The following RELN variants were observed in gnomAD, a reference collection of about 807,000 sequenced individuals.
RELN encodes reelin.
A neutral mutation model predicts 427.6 loss-of-function variants in RELN; 108 were observed. The ratio of observed to expected loss-of-function variants is 0.25; its 90% CI spans 0.22 to 0.30. RELN has a LOEUF of 0.30. Ranked by LOEUF, RELN falls within the 10% of genes least tolerant of loss-of-function variation. The pLI is 1.00. For synonymous variants in RELN, 1,524 were observed against 1,513.4 expected (o/e 1.01, Z -0.16); for missense variants, 3,715 against 4,302.8 (o/e 0.86, Z 3.82).
intron 6 of RELN, among the ~76,000 whole-genome samples, chr7:103,737,030 T>A (rs1420750878): frequency 6.6e-6 from 1 of 151,960 alleles, no homozygotes; most frequent in Non-Finnish European, 1.5e-5. Flanking sequence ...GGTGAAGAAA[T>A]CAAGAGGGAG....
At chr7:103,886,252 A>G (rs1001937179) in intron 2 of RELN, among the ~76,000 whole-genome samples, 1 of 152,210 alleles carries the variant, frequency 6.6e-6, no homozygotes, top group African/African-American at 2.4e-5. Flanking sequence ...CATGAGTTTA[A>G]CCTTTGTTAA....
At chr7:103,869,453 C>G (rs1338445767) in intron 2 of RELN, among the ~76,000 whole-genome samples, 5 of 151,912 alleles carry the variant, frequency 3.3e-5, no homozygotes, top group Non-Finnish European at 5.9e-5. Context: ...AATCTAATGA[C>G]AAAGGATTAT....
In RELN at chr7:103,510,880, G is replaced by A. The variant is rs1829385150; in HGVS notation, c.8245C>T (p.Pro2749Ser). ...EVYAVTHDLT[P>S]TEGWIMQFKI... ...AATTGCATAATCCAGCCTTCAGTGG[G>A]AGTCAGGTCATGGGTCACTGCATAC... The change falls in exon 51 of 65, where the codon CCC becomes TCC. Residue 2749 changes from proline to serine, a missense_variant. Transcript: ENST00000428762. 5.0e-6 allele frequency: 8 copies of A among 1,613,566 alleles called. No homozygotes were observed. Among genetic ancestry groups the A allele is most frequent in the Non-Finnish European group, 5.9e-6 (7 of 1,179,708 alleles).
chr7:103,536,542 C>T (rs148880186), intron 45 of RELN, among the ~76,000 whole-genome samples: 54 of 152,306 alleles, frequency 3.5e-4, no homozygotes, highest in African/African-American at 1.3e-3. Context: ...GTGATTCTCC[C>T]GTGCAGCCAG....
intron 22 of RELN, among the ~76,000 whole-genome samples, chr7:103,608,133 C>T (rs1831862234): frequency 6.6e-6 from 1 of 152,160 alleles, no homozygotes; most frequent in South Asian, 2.1e-4. Flanking sequence ...AAGATTACTG[C>T]TACAAACTGC....
At chr7:103,570,578 C>T (rs1830858722) in intron 31 of RELN, among the ~76,000 whole-genome samples, 1 of 152,192 alleles carries the variant, frequency 6.6e-6, no homozygotes, top group Non-Finnish European at 1.5e-5. Context: ...TGTAAGTTCC[C>T]CTGAGGGCAG....
At chr7:103,631,636 T>C (rs1453142927) in intron 19 of RELN, among the ~76,000 whole-genome samples, 2 of 152,184 alleles carry the variant, frequency 1.3e-5, no homozygotes, top group Non-Finnish European at 2.9e-5. Flanking sequence ...ATAATACATT[T>C]ATGAGTTTTA....
At position 103,877,836 on chromosome 7, in the gene RELN, C is replaced by G. The variant is rs1040970064; in HGVS notation, c.337+39239G>C. 4.0e-5 allele frequency among the ~76,000 whole-genome samples: 6 copies of G among 149,608 alleles called. No individual in the cohort carries two copies. The East Asian group carries it at 9.9e-4, about 25-fold the overall frequency. On this transcript the variant is annotated intron_variant, in intron 2 of 64. Transcript: ENST00000428762. ...CTTCCTCCTCCTCCTTCTTCTTCTT[C>G]CTTTTCTCTGTCTCTCCCTGCCTTT... is the stretch of plus-strand genomic sequence containing the variant.
chr7:103,852,263 T>C (rs1393716959), intron 2 of RELN, among the ~76,000 whole-genome samples: 4 of 145,296 alleles, frequency 2.8e-5, no homozygotes, highest in African/African-American at 1.0e-4. Context: ...CTCCATGATA[T>C]TTCATACCCT....
intron 1 of RELN, among the ~76,000 whole-genome samples, chr7:103,950,899 T>G (rs1441837860): frequency 6.6e-6 from 1 of 152,240 alleles, no homozygotes; most frequent in African/African-American, 2.4e-5. Flanking sequence ...TCCAGTGCTC[T>G]GTCTCCATGA....
At chr7:103,742,780 C>T (rs113082935) in intron 6 of RELN, among the ~76,000 whole-genome samples, 2,652 of 152,270 alleles carry the variant, frequency 0.017, 71 homozygotes, top group African/African-American at 0.061. Context: ...ACCAAATCTA[C>T]GTCTGACTGG....
rs117238732 is a variant in RELN at position 103,804,131 on chromosome 7, A to G, written c.474-27504T>C. Among the ~76,000 whole-genome samples the G allele has an allele frequency of 1.0e-3, 156 of 152,160 alleles. No individual in the cohort carries two copies. The East Asian group carries it at 0.023, about 23-fold the overall frequency. The stretch of plus-strand genomic sequence containing the variant: ...GGGAAAAAATTCCTACCATTGCAAT[A>G]TTTTTAAATTATTCATATCTTTAAT... On this transcript the variant is annotated intron_variant, in intron 3 of 64. Transcript: ENST00000428762.
At chr7:103,771,573 G>A (rs1369146191) in intron 4 of RELN, among the ~76,000 whole-genome samples, 1 of 152,112 alleles carries the variant, frequency 6.6e-6, no homozygotes, top group Non-Finnish European at 1.5e-5. Flanking sequence ...GCCAACATGT[G>A]GTAGTGCAAT....
At chr7:103,776,435 T>C (rs1013898656) in intron 4 of RELN, 122 bp downstream of exon 4, 15 of 974,694 alleles carry the variant, frequency 1.5e-5, no homozygotes, top group Non-Finnish European at 2.5e-5. Context: ...GAAGGGTCAA[T>C]ACTTACATTT....
chr7:103,863,421 G>A (rs1794118668), intron 2 of RELN, among the ~76,000 whole-genome samples: 1 of 152,222 alleles, frequency 6.6e-6, no homozygotes, highest in South Asian at 2.1e-4. Context: ...AGGACACAGA[G>A]GTCATTAGTG....
chr7:103,980,746 A>C (rs1221583266), intron 1 of RELN, among the ~76,000 whole-genome samples: 2 of 152,190 alleles, frequency 1.3e-5, no homozygotes, highest in Non-Finnish European at 2.9e-5. Context: ...ATTAAGTGCT[A>C]CTTTAGGGTT....
At chr7:103,917,023 C>T (rs2116670144) in intron 2 of RELN, 52 bp downstream of exon 2, 2 of 1,237,312 alleles carry the variant, frequency 1.6e-6, no homozygotes, top group African/African-American at 1.5e-5. Flanking sequence ...AAACATAAGA[C>T]CTATGACTGT....
At chr7:103,886,912 G>A (rs773341224) in intron 2 of RELN, among the ~76,000 whole-genome samples, 1 of 152,128 alleles carries the variant, frequency 6.6e-6, no homozygotes, top group Non-Finnish European at 1.5e-5. Context: ...AAATTAAGAA[G>A]AGGAACAGAC....
rs771750648 is a variant in RELN at position 103,749,521 on chromosome 7, G to A, written c.578-17C>T. ...GTATTTCAGCTAAAAGAAAAAGGAA[G>A]TATTTAGGAAAGAAATATACTACAA... is the stretch of plus-strand genomic sequence containing the variant. On this transcript the variant is annotated splice_polypyrimidine_tract_variant and intron_variant, in intron 5 of 64. Transcript: ENST00000428762. 1.3e-6 allele frequency: 2 copies of A among 1,574,290 alleles called. No homozygotes were observed. The highest frequency in any genetic ancestry group is 3.3e-5 in the Admixed American group (2 of 59,956).
Sources: gnomAD v4.1 joint callset for allele counts (sites outside exome capture counted in the v4.1 genomes callset) on GRCh38, gnomAD v4.1.1 for gene constraint, MANE v1.5 for transcripts, NCBI Gene and HGNC (gene_info 2026-07-23, HGNC 2026-07-21) for gene names.